Variants in RBFOX1 observed in about 807,000 individuals in gnomAD.
RBFOX1 encodes RNA binding fox-1 homolog 1.
Under a neutral mutation model 57.7 loss-of-function variants are expected in RBFOX1, and 8 were observed. The ratio of observed to expected loss-of-function variants is 0.14; its 90% CI spans 0.08 to 0.25. The LOEUF (loss-of-function observed/expected upper bound fraction) is 0.25, where lower values mean the gene tolerates loss of function less well. Ranked by LOEUF, RBFOX1 falls within the 10% of genes least tolerant of loss-of-function variation. The probability of loss-of-function intolerance (pLI) is 1.00; values close to 1 mark genes in which losing one functional copy is unlikely to be tolerated. For missense variants in RBFOX1, 611 were observed against 548.5 expected, an observed-to-expected ratio of 1.11 and a Z score of -1.14; for synonymous variants, 326 against 222.4, an observed-to-expected ratio of 1.47 and a Z score of -4.15.
chr16:7,192,773 G>C (rs1015871257), intron 4 of RBFOX1, among the ~76,000 whole-genome samples: 33 of 152,308 alleles, frequency 2.2e-4, no homozygotes, highest in Middle Eastern at 3.4e-3. Flanking sequence ...ATCTTTCTGT[G>C]AGTCTAAAAG....
intron 3 of RBFOX1, among the ~76,000 whole-genome samples, chr16:6,877,558 A>G (rs1216567210): frequency 6.6e-6 from 1 of 152,176 alleles, no homozygotes; most frequent in Non-Finnish European, 1.5e-5. Flanking sequence ...CAACTTCTGA[A>G]TTCACAGCCC....
At chr16:6,758,975 T>A (rs4786930) in intron 3 of RBFOX1, among the ~76,000 whole-genome samples, 116,524 of 151,954 alleles carry the variant, frequency 0.77, 45,124 homozygotes, top group Middle Eastern at 0.9. Context: ...GAAAAATGGA[T>A]GTTGAACTTA....
intron 4 of RBFOX1, among the ~76,000 whole-genome samples, chr16:7,409,496 C>G (rs1374189263): frequency 6.6e-6 from 1 of 152,200 alleles, no homozygotes; most frequent in African/African-American, 2.4e-5. Context: ...GAACACAATT[C>G]TATTAGAAAG....
intron 4 of RBFOX1, among the ~76,000 whole-genome samples, chr16:6,003,721 C>G (rs535230560): frequency 1.8e-3 from 267 of 152,342 alleles, no homozygotes; most frequent in African/African-American, 6.1e-3. Context: ...TTTAACATCT[C>G]TTGGGTTCAG....
At chr16:7,657,230 C>G (rs2066524960) in intron 12 of RBFOX1, among the ~76,000 whole-genome samples, 2 of 152,288 alleles carry the variant, frequency 1.3e-5, no homozygotes, top group South Asian at 4.1e-4. Flanking sequence ...CTTGGGTAAC[C>G]CTTGGAGATA....
At chr16:6,362,911 G>A (rs8053202) in intron 2 of RBFOX1, among the ~76,000 whole-genome samples, 54,670 of 151,990 alleles carry the variant, frequency 0.36, 10,698 homozygotes, top group Non-Finnish European at 0.44. Context: ...ATGTTGCTTG[G>A]TCCCCCTTCT....
chr16:7,392,887 G>C (rs1464367299), intron 4 of RBFOX1, among the ~76,000 whole-genome samples: 1 of 149,036 alleles, frequency 6.7e-6, no homozygotes, highest in East Asian at 1.9e-4. Context: ...TTGTTTGTTT[G>C]TTTTGAGACA....
intron 4 of RBFOX1, among the ~76,000 whole-genome samples, chr16:7,240,871 A>C (rs2094020200): frequency 6.6e-6 from 1 of 152,150 alleles, no homozygotes; most frequent in South Asian, 2.1e-4. Flanking sequence ...CACCTGGCAA[A>C]ATATTGTTTT....
At chr16:7,455,175 A>G (rs1476537843) in intron 4 of RBFOX1, among the ~76,000 whole-genome samples, 1 of 152,160 alleles carries the variant, frequency 6.6e-6, no homozygotes, top group East Asian at 1.9e-4. Flanking sequence ...TTGATTGGAA[A>G]TTCTCTCTTC....
rs1371018353 is a variant in RBFOX1 at position 5,454,846 on chromosome 16, TTTCTTTCTTTTCTTTCTTTC to T, written c.220-12367_220-12348del. Among the ~76,000 whole-genome samples the T allele has an allele frequency of 1.7e-3, 234 of 134,334 alleles. 2 individuals are homozygous for T. Among genetic ancestry groups the T allele is most frequent in the Non-Finnish European group, 2.5e-3 (154 of 62,772 alleles). 88.1% of individuals were successfully genotyped at this position (134,334 alleles called of 152,430 possible). On this transcript the variant is annotated intron_variant, in intron 1 of 2. Transcript: ENST00000585867. ...TTCTTTCCTTGCTTTCTTTCCTTTC[TTTCTTTCTTTTCTTTCTTTC>T]TTTCTTTCTTTCTTTCTTTCTTTCT...
At chr16:7,609,351 A>C (rs1368126891) in intron 10 of RBFOX1, among the ~76,000 whole-genome samples, 2 of 152,142 alleles carry the variant, frequency 1.3e-5, no homozygotes, top group African/African-American at 4.8e-5. Context: ...TAAGCAGGAA[A>C]ATACCTAATA....
At chr16:7,134,783 C>T (rs1226359173) in intron 4 of RBFOX1, among the ~76,000 whole-genome samples, 3 of 152,160 alleles carry the variant, frequency 2.0e-5, no homozygotes, top group East Asian at 1.9e-4. Context: ...TGCAAACAGG[C>T]TTCTGAGTTA....
intron 1 of RBFOX1, among the ~76,000 whole-genome samples, chr16:6,034,363 G>GA (rs1414703446): frequency 9.2e-6 from 1 of 108,236 alleles, no homozygotes; most frequent in Non-Finnish European, 1.9e-5. Context: ...AAAAAGAAAA[G>GA]AAAAGAAAAG....
At chr16:7,533,170 T>C (rs888801102) in intron 5 of RBFOX1, among the ~76,000 whole-genome samples, 1 of 152,234 alleles carries the variant, frequency 6.6e-6, no homozygotes, top group Non-Finnish European at 1.5e-5. Context: ...CACTTGAGTA[T>C]GATACTCTTT....
chr16:5,449,002 G>T (rs555006431), intron 1 of RBFOX1, among the ~76,000 whole-genome samples: 1 of 151,980 alleles, frequency 6.6e-6, no homozygotes, highest in African/African-American at 2.4e-5. Context: ...GCCTTTGCAC[G>T]TGGCCAGGTC....
chr16:6,076,894 A>G (rs1157044987), intron 1 of RBFOX1, among the ~76,000 whole-genome samples: 1 of 152,204 alleles, frequency 6.6e-6, no homozygotes, highest in Non-Finnish European at 1.5e-5. Flanking sequence ...CTCTGGCTCA[A>G]GGTGGGAACA....
chr16:6,941,406 T>A (rs1197147993), intron 3 of RBFOX1, among the ~76,000 whole-genome samples: 1 of 151,020 alleles, frequency 6.6e-6, no homozygotes, highest in Non-Finnish European at 1.5e-5. Flanking sequence ...CTCAGTTTTC[T>A]CATTTGGAAT....
intron 4 of RBFOX1, among the ~76,000 whole-genome samples, chr16:5,943,877 C>G (rs73521368): frequency 0.081 from 12,318 of 151,868 alleles, 750 homozygotes; most frequent in African/African-American, 0.16. Context: ...ATTAATCTAC[C>G]TGTTCACCCA....
chr16:5,801,084 C>G (rs968285040), intron 3 of RBFOX1, among the ~76,000 whole-genome samples: 7 of 152,050 alleles, frequency 4.6e-5, no homozygotes, highest in African/African-American at 1.4e-4. Context: ...AAAAATAGGC[C>G]CCGCCCAGAG....
Sources: allele counts gnomAD v4.1 joint callset (sites outside exome capture counted in the v4.1 genomes callset), GRCh38; gene constraint gnomAD v4.1.1; transcripts MANE v1.5; gene names NCBI Gene and HGNC (gene_info 2026-07-23, HGNC 2026-07-21).